PXDN: variants seen among roughly 807,000 people sequenced by gnomAD.
PXDN encodes the protein peroxidasin homolog.
In PXDN, 77 loss-of-function variants were observed where a neutral mutation model predicts 140.3. That is an observed-to-expected ratio of 0.55 (90% CI 0.46 to 0.66). PXDN has a LOEUF of 0.66. Among genes scored for constraint, PXDN ranks in the 30% least tolerant of loss-of-function variants. The probability of loss-of-function intolerance (pLI) is 0.00; values close to 1 mark genes in which losing one functional copy is unlikely to be tolerated. For synonymous variants in PXDN, 911 were observed against 857.4 expected, an observed-to-expected ratio of 1.06 and a Z score of -1.09; for missense variants, 1,838 against 2,039.5, an observed-to-expected ratio of 0.90 and a Z score of 1.90.
At chr2:1,721,034 C>T (rs1037478529) in intron 1 of PXDN, among the ~76,000 whole-genome samples, 11 of 152,318 alleles carry the variant, frequency 7.2e-5, no homozygotes, top group South Asian at 2.1e-4. Context: ...ACTAACTGGA[C>T]GAGGTCCACC....
At chr2:1,680,791 T>G (rs1362279603) in intron 6 of PXDN, among the ~76,000 whole-genome samples, 1 of 152,120 alleles carries the variant, frequency 6.6e-6, no homozygotes, top group Admixed American at 6.5e-5. Flanking sequence ...TCAACGCCCA[T>G]CATCACGGGC....
intron 6 of PXDN, 136 bp from the exon 7 acceptor site, chr2:1,680,498 C>T (rs1315499446): frequency 1.1e-5 from 12 of 1,071,648 alleles, no homozygotes; most frequent in South Asian, 2.9e-5. Context: ...GGATGGGACA[C>T]GTCTCGTGGT....
intron 1 of PXDN, among the ~76,000 whole-genome samples, chr2:1,709,147 G>A (rs984173671): frequency 6.6e-6 from 1 of 152,144 alleles, no homozygotes; most frequent in Non-Finnish European, 1.5e-5. Context: ...TGTGCTCGCC[G>A]CTCACTCATT....
chr2:1,715,011 G>A (rs558309852), intron 1 of PXDN, among the ~76,000 whole-genome samples: 135 of 149,138 alleles, frequency 9.1e-4, no homozygotes, highest in Non-Finnish European at 1.6e-3. Flanking sequence ...CCCCATCCCC[G>A]GCTTACAAAT....
In PXDN at chr2:1,674,612, C is replaced by T. The variant is rs111818926; in HGVS notation, c.849-800G>A. Among the ~76,000 whole-genome samples, 857 of 152,300 alleles carry T rather than the reference C, an allele frequency of 5.6e-3. 5 individuals are homozygous for T. The highest frequency in any genetic ancestry group is 0.019 in the African/African-American group (791 of 41,570). On this transcript the variant is annotated intron_variant, in intron 8 of 22. Transcript: ENST00000252804. ...ACGCTCAGTCCTGCCGCCTCTCACC[C>T]TCACCCCACCTGTAACTTCACTTTA...
intron 19 of PXDN, among the ~76,000 whole-genome samples, chr2:1,641,073 A>G (rs1682717066): frequency 6.6e-6 from 1 of 152,238 alleles, no homozygotes; most frequent in South Asian, 2.1e-4. Flanking sequence ...TGCAGACCCC[A>G]CACAGCACTT....
At position 1,644,761 on chromosome 2, in the gene PXDN, T is replaced by C. The variant is rs749892789; in HGVS notation, c.3609-9A>G. The C allele has an allele frequency of 9.4e-6, 14 of 1,494,914 alleles. No individual in the cohort carries two copies. The highest frequency in any genetic ancestry group is 1.2e-5 in the Non-Finnish European group (13 of 1,113,140). 92.6% of individuals were successfully genotyped at this position (1,494,914 alleles called of 1,614,324 possible). A position where few individuals can be genotyped will look rare whatever the true frequency, so the allele number is the denominator to read the frequency against. On this transcript the variant is annotated splice_polypyrimidine_tract_variant and intron_variant, in intron 17 of 22. Coordinates refer to ENST00000252804, the MANE Select transcript of PXDN (RefSeq NM_012293.3). ...GTGTCGAGCCATACAACCTAAAAAA[T>C]AAAGAGAAAACTGAAATCTACCTAA...
At position 1,644,817 on chromosome 2, in the gene PXDN, A is replaced by G. The variant is rs1682814752; in HGVS notation, c.3609-65T>C. 3.8e-6 allele frequency: 5 copies of G among 1,319,014 alleles called. No individual in the cohort carries two copies. In the South Asian group the frequency reaches 1.2e-4, roughly 31 times the overall value. The allele number at this position is 1,319,014 out of a possible 1,614,324, so 81.7% of individuals were successfully genotyped here. ...CTGCACGTGGTAAAAAATACAGCAA[A>G]TATAAAAACAGTTCTTTCTTTCTAT... On this transcript the variant is annotated intron_variant, in intron 17 of 22. Coordinates refer to ENST00000252804, the MANE Select transcript of PXDN (RefSeq NM_012293.3).
intron 14 of PXDN, among the ~76,000 whole-genome samples, chr2:1,657,766 C>G (rs1316887459): frequency 6.9e-6 from 1 of 143,978 alleles, no homozygotes; most frequent in African/African-American, 2.8e-5. Flanking sequence ...GAGACCTAGT[C>G]CTTTCCTGAC....
At chr2:1,718,244 C>T (rs533597042) in intron 1 of PXDN, among the ~76,000 whole-genome samples, 32 of 151,254 alleles carry the variant, frequency 2.1e-4, no homozygotes, top group East Asian at 3.9e-4. Context: ...TAACCTACTA[C>T]GCAAACCTAC....
intron 15 of PXDN, chr2:1,654,120 A>G (rs1683075608): frequency 4.1e-6 from 2 of 485,866 alleles, no homozygotes; most frequent in Non-Finnish European, 7.2e-6. Flanking sequence ...TTGCCAAATC[A>G]TTTAGTCATA....
intron 14 of PXDN, among the ~76,000 whole-genome samples, chr2:1,657,110 C>G (rs970176872): frequency 1.5e-5 from 2 of 137,468 alleles, no homozygotes; most frequent in Non-Finnish European, 3.2e-5. Context: ...GACAGGGACC[C>G]GAACTCTTTA....
At chr2:1,743,727 GGAAGAGGAGCGGA>G (rs1685612425) in intron 1 of PXDN, among the ~76,000 whole-genome samples, 1 of 104,140 alleles carries the variant, frequency 9.6e-6, no homozygotes, top group African/African-American at 3.3e-5. Flanking sequence ...AAGGGGAGGA[GGAAGAGGAGCGGA>G]GGAGGGGAGC....
At chr2:1,735,533 A>G (rs1287302317) in intron 1 of PXDN, among the ~76,000 whole-genome samples, 1 of 152,236 alleles carries the variant, frequency 6.6e-6, no homozygotes, top group Non-Finnish European at 1.5e-5. Flanking sequence ...GACGAGATGC[A>G]TTGTAAACGA....
chr2:1,736,035 C>G (rs2125494239), intron 1 of PXDN, among the ~76,000 whole-genome samples: 1 of 152,300 alleles, frequency 6.6e-6, no homozygotes, highest in African/African-American at 2.4e-5. Flanking sequence ...CCTCATGAAC[C>G]AATCTCTGCT....
At position 1,649,115 on chromosome 2, in the gene PXDN, T is replaced by C. The variant is rs770650801; in HGVS notation, c.2665A>G (p.Met889Val). The part of the protein sequence containing the change: ...VRSSPVCGSG[M>V]TSLLMNSVYP... ...ACGGAGTTCATGAGCAGCGAAGTCA[T>C]GCCGCTGCCGCACACAGGGCTGGAG... Residue 889 changes from methionine to valine, a missense_variant, in exon 17 of 23, where the codon ATG becomes GTG. Met to Val is a conservative substitution (Grantham distance 21). Coordinates refer to ENST00000252804, the MANE Select transcript of PXDN (RefSeq NM_012293.3). This position sits in a 1 kb window ranked among gnomAD's most constrained non-coding sequence, Gnocchi z 7.1. 4 of 1,612,354 alleles carry C rather than the reference T, an allele frequency of 2.5e-6. No homozygotes were observed. The highest frequency in any genetic ancestry group is 2.5e-6 in the Non-Finnish European group (3 of 1,179,720).
rs529166345 is a variant in PXDN, at chr2:1,648,066, G to A, written c.3608+106C>T. ...CTTGACCTTCATCTCACCTCTGCAC[G>A]ACACGAACAAAACTCACACACAGAG... is the stretch of plus-strand genomic sequence containing the variant. On this transcript the variant is annotated intron_variant, in intron 17 of 22. Transcript: ENST00000252804. This position sits in a 1 kb window ranked among gnomAD's most constrained non-coding sequence, Gnocchi z 8.9. The A allele has an allele frequency of 3.8e-5, 54 of 1,439,038 alleles. No homozygotes were observed. Among genetic ancestry groups the A allele is most frequent in the South Asian group, 2.7e-4 (20 of 74,816 alleles). The allele number at this position is 1,439,038 out of a possible 1,614,324, so 89.1% of individuals were successfully genotyped here. A position where few individuals can be genotyped will look rare whatever the true frequency, so the allele number is the denominator to read the frequency against.
At chr2:1,691,840 A>G in intron 3 of PXDN, 88 bp downstream of exon 3, 1 of 806,300 alleles carries the variant, frequency 1.2e-6, no homozygotes, top group East Asian at 2.9e-5. Context: ...TATTTACAAT[A>G]ATTCATAAGC....
intron 1 of PXDN, among the ~76,000 whole-genome samples, chr2:1,699,613 G>A (rs1433183288): frequency 6.6e-6 from 1 of 152,160 alleles, no homozygotes; most frequent in Non-Finnish European, 1.5e-5. Flanking sequence ...GGGAGGTTGA[G>A]GCAGGAGAAT....
Sources: allele counts gnomAD v4.1 joint callset (sites outside exome capture counted in the v4.1 genomes callset), GRCh38; gene constraint gnomAD v4.1.1; non-coding constraint Gnocchi (gnomAD v3.1); transcripts MANE v1.5; gene names NCBI Gene and HGNC (gene_info 2026-07-23, HGNC 2026-07-21).